Variants in SLC25A24 observed in about 807,000 individuals in gnomAD.
SLC25A24 encodes the protein mitochondrial adenyl nucleotide antiporter SLC25A24.
Under a neutral mutation model 60.7 loss-of-function variants are expected in SLC25A24, and 49 were observed. The ratio of observed to expected loss-of-function variants is 0.81; its 90% CI spans 0.64 to 1.02. The LOEUF (loss-of-function observed/expected upper bound fraction) is 1.02. SLC25A24 is among the 50% of genes least tolerant of loss of function. SLC25A24 has a pLI of 0.00. For missense variants in SLC25A24, 564 were observed against 586.3 expected, an observed-to-expected ratio of 0.96 and a Z score of 0.39; for synonymous variants, 202 against 200.6, an observed-to-expected ratio of 1.01 and a Z score of -0.06.
chr1:108,169,144 GCTCT>G (rs1347072115), intron 3 of SLC25A24, among the ~76,000 whole-genome samples: 11 of 152,124 alleles, frequency 7.2e-5, no homozygotes, highest in Non-Finnish European at 1.5e-4. Context: ...CTGTTTCTGG[GCTCT>G]CTATTATGTT....
At chr1:108,177,332 G>T (rs908437222) in intron 3 of SLC25A24, among the ~76,000 whole-genome samples, 16 of 151,786 alleles carry the variant, frequency 1.1e-4, no homozygotes, top group African/African-American at 3.6e-4. Flanking sequence ...AAAAAAGACA[G>T]CAAGAGAGGA....
In SLC25A24 at chr1:108,140,331, G is replaced by A. The variant is rs577848599; in HGVS notation, c.1099-1123C>T. Among the ~76,000 whole-genome samples the A allele has an allele frequency of 2.6e-5, 4 of 152,096 alleles. No homozygotes were observed. The East Asian group carries it at 7.7e-4, about 29-fold the overall frequency. Reference sequence around the variant, plus strand: ...TGCCCTTCAAAAAAGGAGAAATTAAGACTGTCCCTGACAAACAAAAGCTGA... The same window carrying A: ...TGCCCTTCAAAAAAGGAGAAATTAAAACTGTCCCTGACAAACAAAAGCTGA... On this transcript the variant is annotated intron_variant, in intron 8 of 9. Transcript: ENST00000565488.
intron 1 of SLC25A24, among the ~76,000 whole-genome samples, chr1:108,188,167 GC>G (rs1648212646): frequency 6.6e-6 from 1 of 151,814 alleles, no homozygotes; most frequent in Non-Finnish European, 1.5e-5. Flanking sequence ...ACACATGGGA[GC>G]AAAACATGGG....
intron 6 of SLC25A24, among the ~76,000 whole-genome samples, chr1:108,154,171 A>C (rs1270823220): frequency 3.3e-5 from 5 of 151,526 alleles, no homozygotes; most frequent in African/African-American, 1.2e-4. Context: ...TCAAGAACAA[A>C]ACACTCTCCA....
At chr1:108,190,680 G>C (rs12402825) in intron 1 of SLC25A24, among the ~76,000 whole-genome samples, 357 of 127,912 alleles carry the variant, frequency 2.8e-3, no homozygotes, top group South Asian at 5.2e-3. Context: ...ACACGACAAT[G>C]TAAGTATCAT....
At chr1:108,154,924 T>C in intron 6 of SLC25A24, 59 bp downstream of exon 6, 1 of 1,309,440 alleles carries the variant, frequency 7.6e-7, no homozygotes, top group Non-Finnish European at 1.1e-6. Flanking sequence ...CATTAACATT[T>C]ATTGAATCCG....
Position 108,160,453 on chromosome 1 carries a change from C to T in SLC25A24, c.510+729G>A, listed in dbSNP as rs1201245619. The stretch of plus-strand genomic sequence containing the variant: ...GGATGGCGGCCGGGCAGAGACACTC[C>T]TCACTTTCCAGACTGGGCAGCCAGG... On this transcript the variant is annotated intron_variant, in intron 4 of 9. Coordinates refer to ENST00000565488, the MANE Select transcript of SLC25A24 (RefSeq NM_013386.5). 1.0e-3 allele frequency among the ~76,000 whole-genome samples: 157 copies of T among 150,982 alleles called. 2 individuals are homozygous for T. The highest frequency in any genetic ancestry group is 0.01 in the Admixed American group (157 of 15,176).
At chr1:108,166,375 A>T (rs1680252902) in intron 3 of SLC25A24, among the ~76,000 whole-genome samples, 1 of 151,916 alleles carries the variant, frequency 6.6e-6, no homozygotes, top group Admixed American at 6.6e-5. Flanking sequence ...CCTGGATAAT[A>T]TCCTGCAGAG....
At chr1:108,147,457 T>A (rs1440270952) in intron 7 of SLC25A24, among the ~76,000 whole-genome samples, 3 of 152,238 alleles carry the variant, frequency 2.0e-5, no homozygotes, top group Admixed American at 2.0e-4. Context: ...CGCTATCTTT[T>A]GAATTTGTTT....
intron 1 of SLC25A24, among the ~76,000 whole-genome samples, chr1:108,191,455 A>T (rs1237567519): frequency 1.4e-5 from 2 of 140,488 alleles, no homozygotes; most frequent in Non-Finnish European, 3.1e-5. Context: ...TAAAAGGAGA[A>T]ACACTGCTTT....
intron 1 of SLC25A24, among the ~76,000 whole-genome samples, chr1:108,189,542 T>C (rs905677127): frequency 6.6e-5 from 10 of 152,004 alleles, no homozygotes; most frequent in Non-Finnish European, 1.0e-4. Flanking sequence ...GCTGGGCGCA[T>C]GGTGGCTCAC....
intron 3 of SLC25A24, among the ~76,000 whole-genome samples, chr1:108,167,847 T>C (rs1647267251): frequency 6.6e-6 from 1 of 152,232 alleles, no homozygotes; most frequent in Non-Finnish European, 1.5e-5. Flanking sequence ...TCATTTTCAA[T>C]CTTAAAATTA....
At chr1:108,178,731 G>A (rs558811049) in intron 3 of SLC25A24, among the ~76,000 whole-genome samples, 65 of 151,990 alleles carry the variant, frequency 4.3e-4, no homozygotes, top group Non-Finnish European at 6.0e-4. Context: ...GGAGAATGAC[G>A]GGAACCCGGG....
chr1:108,140,718 T>G (rs988969675), intron 8 of SLC25A24, among the ~76,000 whole-genome samples: 2 of 151,390 alleles, frequency 1.3e-5, no homozygotes, highest in Admixed American at 1.3e-4. Flanking sequence ...TAAGTTGCTA[T>G]AACTTTAGTA....
chr1:108,167,960 G>C (rs1175244275), intron 3 of SLC25A24, among the ~76,000 whole-genome samples: 1 of 152,184 alleles, frequency 6.6e-6, no homozygotes, highest in Non-Finnish European at 1.5e-5. Context: ...GAAACTCTGA[G>C]TGTACCAGGA....
chr1:108,197,236 A>T (rs570451653), intron 1 of SLC25A24, among the ~76,000 whole-genome samples: 1 of 152,268 alleles, frequency 6.6e-6, no homozygotes, highest in East Asian at 1.9e-4. Context: ...CCTTATACCT[A>T]TTTCTACATT....
rs1296070814 is a variant in SLC25A24 at position 108,161,209 on chromosome 1, T to A, written c.483A>T (p.Glu161Asp). Residue 161 changes from glutamate (E) to aspartate (D), a missense_variant, in exon 4 of 10, where the codon GAA (glutamate) becomes GAT (aspartate). By Grantham distance (45) the Glu-to-Asp change is conservative. Transcript: ENST00000565488. Reference protein sequence around the residue: ...FLFNPVTDIEEIIRFWKHSTG... With the variant: ...FLFNPVTDIEDIIRFWKHSTG... ...TAGAATGTTTCCAGAAACGGATAAT[T>A]TCCTCAATGTCTGTAACAGGATTAA... 1 of 1,580,334 alleles carries A rather than the reference T, an allele frequency of 6.3e-7. No homozygotes were observed.
At position 108,157,456 on chromosome 1, in the gene SLC25A24, G is replaced by A; in HGVS notation, c.669+6C>T. ...GCAAACCTGGACACACGATAATAAA[G>A]CTCACCTGCATCATGATTTTCAGAC... On this transcript the variant is annotated splice_donor_region_variant and intron_variant, in intron 5 of 9. Coordinates refer to ENST00000565488, the MANE Select transcript of SLC25A24 (RefSeq NM_013386.5). 1.2e-6 allele frequency: 2 copies of A among 1,611,898 alleles called. No individual in the cohort carries two copies. The highest frequency in any genetic ancestry group is 1.1e-5 in the South Asian group (1 of 90,788).
intron 2 of SLC25A24, 81 bp downstream of exon 2, chr1:108,185,747 T>C: frequency 9.6e-7 from 1 of 1,042,498 alleles, no homozygotes; most frequent in South Asian, 1.6e-5. Context: ...CCAGAGAGAT[T>C]AAATAAGCAT....
Sources: allele counts gnomAD v4.1 joint callset (sites outside exome capture counted in the v4.1 genomes callset), GRCh38; gene constraint gnomAD v4.1.1; transcripts MANE v1.5; gene names NCBI Gene and HGNC (gene_info 2026-07-23, HGNC 2026-07-21).